Variants in TOX3 observed in about 807,000 individuals in gnomAD.
The protein encoded by TOX3 is TOX high mobility group box family member 3, also known as CAG trinucleotide repeat-containing gene F9 protein.
Under a neutral mutation model 64.3 loss-of-function variants are expected in TOX3, and 22 were observed. The observed-to-expected ratio is 0.34, with a 90% CI of 0.24 to 0.49. The LOEUF is 0.49. Ranked by LOEUF, TOX3 falls within the 20% of genes least tolerant of loss-of-function variation. The probability of loss-of-function intolerance (pLI) is 0.99; values close to 1 mark genes in which losing one functional copy is unlikely to be tolerated. For missense variants in TOX3, 661 were observed against 714.4 expected (o/e 0.93, Z 0.85); for synonymous variants, 291 against 273.6 (o/e 1.06, Z -0.63).
In TOX3 at chr16:52,514,471, G is replaced by T. The variant is rs546571234; in HGVS notation, c.87+32166C>A. ...AACCATTCATATAACACACTGAAAAGAAGCCATTTAAGAAATGAGAAAAAT... is the reference window on the plus strand; with the variant it reads ...AACCATTCATATAACACACTGAAAATAAGCCATTTAAGAAATGAGAAAAAT... On this transcript the variant is annotated intron_variant, in intron 1 of 6. Coordinates refer to ENST00000219746, the MANE Select transcript of TOX3 (RefSeq NM_001080430.4). Among the ~76,000 whole-genome samples the T allele has an allele frequency of 2.6e-5, 4 of 152,280 alleles. No homozygotes were observed. In the East Asian group the frequency reaches 5.8e-4, roughly 22 times the overall value.
rs758391704 is a variant in TOX3 at position 52,439,693 on chromosome 16, C to A, written c.1263G>T (p.Thr421=). 8.1e-6 allele frequency: 13 copies of A among 1,613,992 alleles called. No individual in the cohort carries two copies. The South Asian group carries it at 1.4e-4, about 18-fold the overall frequency. ...TGGAGGGTGCTGAGCCAACCATGGT[C>A]GTTCCCATGGAGCTTATCAGTGGAG... ...IGAPLISSMG[T]TMVGSAPSTQ... The change falls in exon 7 of 7, where the codon ACG becomes ACT. Residue 421 remains threonine (T), a synonymous_variant. Coordinates refer to ENST00000219746, the MANE Select transcript of TOX3 (RefSeq NM_001080430.4).
intron 1 of TOX3, among the ~76,000 whole-genome samples, chr16:52,478,313 T>C (rs1481436892): frequency 1.3e-5 from 2 of 152,160 alleles, no homozygotes; most frequent in Non-Finnish European, 2.9e-5. Context: ...CAGTTCTTTC[T>C]CTGGGCCACT....
Position 52,536,713 on chromosome 16 carries a change from C to T in TOX3, c.87+9924G>A, listed in dbSNP as rs967348333. ...TATAGAACAAGATATATTTCTCACT[C>T]TATATCCATACAGCCACTGAGAATC... On this transcript the variant is annotated intron_variant, in intron 1 of 6. Transcript: ENST00000219746. Among the ~76,000 whole-genome samples, 4 of 134,608 alleles carry T rather than the reference C, an allele frequency of 3.0e-5. No homozygotes were observed. In the East Asian group the frequency reaches 8.8e-4, roughly 30 times the overall value. The allele number at this position is 134,608 out of a possible 152,430, so 88.3% of individuals were successfully genotyped here.
chr16:52,492,122 C>T (rs1477133303), intron 1 of TOX3, among the ~76,000 whole-genome samples: 4 of 151,498 alleles, frequency 2.6e-5, no homozygotes, highest in African/African-American at 9.7e-5. Context: ...TGGGTCTGTA[C>T]AATGAATTCT....
At chr16:52,474,343 A>C (rs1342770211) in intron 1 of TOX3, among the ~76,000 whole-genome samples, 5 of 152,122 alleles carry the variant, frequency 3.3e-5, no homozygotes, top group African/African-American at 1.2e-4. Flanking sequence ...CTACCTTCCC[A>C]GCAAGTCCCT....
intron 1 of TOX3, among the ~76,000 whole-genome samples, chr16:52,525,557 C>T (rs1465943223): frequency 6.6e-6 from 1 of 152,142 alleles, no homozygotes. Flanking sequence ...CTATCAAAGA[C>T]AGTGGGGGCA....
In TOX3 at chr16:52,460,719, G is replaced by GAA. The variant is rs112497200; in HGVS notation, c.408+3213_408+3214dup. ...AGAATTAAGTACTTAAGCCAAATAA[G>GAA]AAAAAAAAAAGAAATGTTGAATGCT... On this transcript the variant is annotated intron_variant, in intron 3 of 6. Coordinates refer to ENST00000219746, the MANE Select transcript of TOX3 (RefSeq NM_001080430.4). Among the ~76,000 whole-genome samples the GAA allele has an allele frequency of 8.1e-5, 12 of 148,390 alleles. No individual in the cohort carries two copies. The South Asian group carries it at 1.5e-3, about 19-fold the overall frequency.
At chr16:52,526,929 A>G (rs944029396) in intron 1 of TOX3, among the ~76,000 whole-genome samples, 2 of 152,234 alleles carry the variant, frequency 1.3e-5, no homozygotes, top group Non-Finnish European at 1.5e-5. Context: ...AAATCTCATA[A>G]CTAGTTATGT....
At chr16:52,532,114 G>A (rs1293256772) in intron 1 of TOX3, among the ~76,000 whole-genome samples, 2 of 152,144 alleles carry the variant, frequency 1.3e-5, no homozygotes, top group African/African-American at 4.8e-5. Flanking sequence ...CACTATGCAG[G>A]AGATGAGAAA....
At chr16:52,463,187 T>C (rs1270626664) in intron 3 of TOX3, among the ~76,000 whole-genome samples, 1 of 152,162 alleles carries the variant, frequency 6.6e-6, no homozygotes, top group Non-Finnish European at 1.5e-5. Context: ...GTTTTAAAAA[T>C]GTCTACTTAG....
chr16:52,478,295 C>T (rs1445605487), intron 1 of TOX3, among the ~76,000 whole-genome samples: 3 of 152,204 alleles, frequency 2.0e-5, no homozygotes, highest in Non-Finnish European at 4.4e-5. Context: ...ACTGCACTGC[C>T]TGGTCCTCAG....
At chr16:52,517,863 C>T (rs1024994711) in intron 1 of TOX3, among the ~76,000 whole-genome samples, 10 of 152,144 alleles carry the variant, frequency 6.6e-5, no homozygotes, top group East Asian at 1.9e-4. Context: ...AACCTCTGAC[C>T]GAAAGAGACA....
intron 2 of TOX3, among the ~76,000 whole-genome samples, chr16:52,466,370 T>A (rs1373862411): frequency 6.6e-6 from 1 of 152,142 alleles, no homozygotes; most frequent in Non-Finnish European, 1.5e-5. Flanking sequence ...ACAATATCCA[T>A]GTGAAGGGAA....
intron 1 of TOX3, among the ~76,000 whole-genome samples, chr16:52,483,564 G>GTTTTTTTTTTT (rs11304815): frequency 2.0e-5 from 2 of 99,442 alleles, no homozygotes; most frequent in African/African-American, 4.0e-5. Flanking sequence ...GGGCAGTTTG[G>GTTTTTTTTTTT]TTTTTTTTTT....
chr16:52,452,520 C>T (rs1402254123), intron 3 of TOX3, among the ~76,000 whole-genome samples: 2 of 146,110 alleles, frequency 1.4e-5, no homozygotes, highest in African/African-American at 5.1e-5. Flanking sequence ...CAAGTCTTTG[C>T]TATTGTTGTG....
intron 1 of TOX3, among the ~76,000 whole-genome samples, chr16:52,494,402 C>T: frequency 6.6e-6 from 1 of 152,230 alleles, no homozygotes; most frequent in African/African-American, 2.4e-5. Flanking sequence ...CCCTCCTCCA[C>T]TGCCTACCAG....
intron 1 of TOX3, among the ~76,000 whole-genome samples, chr16:52,489,915 G>A (rs982575984): frequency 1.3e-5 from 2 of 152,022 alleles, no homozygotes; most frequent in Admixed American, 6.6e-5. Flanking sequence ...TCTTTCTAAT[G>A]GTACCAGCAA....
intron 1 of TOX3, among the ~76,000 whole-genome samples, chr16:52,483,858 C>T (rs1264840711): frequency 6.6e-6 from 1 of 152,000 alleles, no homozygotes; most frequent in Admixed American, 6.6e-5. Flanking sequence ...ATGAGAGGAG[C>T]CACAGGGCAG....
intron 1 of TOX3, among the ~76,000 whole-genome samples, chr16:52,539,603 C>T (rs969398761): frequency 6.6e-6 from 1 of 152,180 alleles, no homozygotes; most frequent in Non-Finnish European, 1.5e-5. Context: ...CTGTCTCCTT[C>T]CTCTTGAAGG....
Sources: allele counts gnomAD v4.1 joint callset (sites outside exome capture counted in the v4.1 genomes callset), GRCh38; gene constraint gnomAD v4.1.1; transcripts MANE v1.5; gene names NCBI Gene and HGNC (gene_info 2026-07-23, HGNC 2026-07-21).